MACROD2: variants seen among roughly 807,000 people sequenced by gnomAD.
The protein encoded by MACROD2 is mono-ADP ribosylhydrolase 2.
MACROD2 carries 36 observed loss-of-function variants against 70.4 expected under a neutral mutation model. The ratio of observed to expected loss-of-function variants is 0.51; its 90% CI spans 0.39 to 0.68. MACROD2 has a LOEUF of 0.68. Among genes scored for constraint, MACROD2 ranks in the 30% least tolerant of loss-of-function variants. The pLI is 0.00. For synonymous variants in MACROD2, 172 were observed against 178.8 expected, an observed-to-expected ratio of 0.96 and a Z score of 0.30; for missense variants, 496 against 538.4, an observed-to-expected ratio of 0.92 and a Z score of 0.78.
chr20:15,640,121 G>C (rs2049436718), intron 8 of MACROD2, among the ~76,000 whole-genome samples: 1 of 151,908 alleles, frequency 6.6e-6, no homozygotes, highest in African/African-American at 2.4e-5. Context: ...GAGAAAAGGG[G>C]ATAGAGAGGG....
chr20:15,478,195 C>A (rs2047047821), intron 7 of MACROD2, among the ~76,000 whole-genome samples: 1 of 152,192 alleles, frequency 6.6e-6, no homozygotes, highest in Non-Finnish European at 1.5e-5. Flanking sequence ...GTTCATTTTT[C>A]TGAGAAACCA....
chr20:15,292,704 G>A (rs1417691433), intron 6 of MACROD2, among the ~76,000 whole-genome samples: 1 of 152,114 alleles, frequency 6.6e-6, no homozygotes, highest in East Asian at 1.9e-4. Context: ...ATTAGCTACA[G>A]TTAAAAAATG....
chr20:15,116,910 T>A (rs1239145127), intron 5 of MACROD2, among the ~76,000 whole-genome samples: 1 of 152,186 alleles, frequency 6.6e-6, no homozygotes, highest in East Asian at 1.9e-4. Flanking sequence ...CAAGGGTCAA[T>A]TGTATATTCT....
chr20:15,549,368 T>C (rs2048065934), intron 8 of MACROD2, among the ~76,000 whole-genome samples: 1 of 152,220 alleles, frequency 6.6e-6, no homozygotes, highest in African/African-American at 2.4e-5. Context: ...AAGGATCATA[T>C]ATTTTATGCA....
intron 8 of MACROD2, among the ~76,000 whole-genome samples, chr20:15,582,889 G>A (rs2048545338): frequency 6.6e-6 from 1 of 152,192 alleles, no homozygotes; most frequent in Non-Finnish European, 1.5e-5. Context: ...GGGGTTGAGA[G>A]ATATTCCTTA....
At chr20:14,874,502 G>A (rs2073526772) in intron 5 of MACROD2, among the ~76,000 whole-genome samples, 1 of 150,868 alleles carries the variant, frequency 6.6e-6, no homozygotes, top group Admixed American at 6.6e-5. Context: ...GGTCATCATT[G>A]AACATTTTAT....
intron 3 of MACROD2, among the ~76,000 whole-genome samples, chr20:14,117,292 C>CTT (rs2054529064): frequency 6.6e-6 from 1 of 152,060 alleles, no homozygotes; most frequent in Non-Finnish European, 1.5e-5. Context: ...ACTTTTGATA[C>CTT]TTTAACTTTT....
At chr20:16,002,330 C>G (rs540547369) in intron 15 of MACROD2, among the ~76,000 whole-genome samples, 2 of 152,206 alleles carry the variant, frequency 1.3e-5, no homozygotes, top group African/African-American at 4.8e-5. Flanking sequence ...CATCCTAATC[C>G]CAGGAACCTT....
chr20:15,838,979 T>C (rs116696198), intron 8 of MACROD2, among the ~76,000 whole-genome samples: 151 of 152,294 alleles, frequency 9.9e-4, no homozygotes, highest in African/African-American at 2.9e-3. Context: ...ATGTAAACTG[T>C]GTGCTTATAT....
intron 5 of MACROD2, among the ~76,000 whole-genome samples, chr20:14,765,256 A>T (rs75973): frequency 2.0e-5 from 3 of 151,914 alleles, no homozygotes; most frequent in African/African-American, 4.8e-5. Context: ...TCTCCCCTAC[A>T]CCCATCCTTA....
At chr20:15,093,410 T>G (rs1029551546) in intron 5 of MACROD2, among the ~76,000 whole-genome samples, 1 of 152,144 alleles carries the variant, frequency 6.6e-6, no homozygotes, top group Non-Finnish European at 1.5e-5. Context: ...TCATTTTTAT[T>G]TTTTCTTCTT....
chr20:15,804,327 T>C (rs1241336667), intron 8 of MACROD2, among the ~76,000 whole-genome samples: 1 of 152,234 alleles, frequency 6.6e-6, no homozygotes, highest in African/African-American at 2.4e-5. Flanking sequence ...GAAATCCTTA[T>C]GCTTGCCTCA....
At chr20:15,904,712 T>A (rs571823955) in intron 10 of MACROD2, among the ~76,000 whole-genome samples, 1 of 151,878 alleles carries the variant, frequency 6.6e-6, no homozygotes, top group Non-Finnish European at 1.5e-5. Flanking sequence ...CTAACCTGTC[T>A]CTACTAAAAA....
At position 15,138,712 on chromosome 20, in the gene MACROD2, G is replaced by T. The variant is rs183138092; in HGVS notation, c.419-91228G>T. On this transcript the variant is annotated intron_variant, in intron 5 of 17. Coordinates refer to ENST00000684519, the MANE Select transcript of MACROD2 (RefSeq NM_001351661.2). Reference sequence around the variant, plus strand: ...TGTAGAGTGTGGTATTAAAGTAGTGGCTGAATTACTTGACATAATTTGCAT... The same window carrying T: ...TGTAGAGTGTGGTATTAAAGTAGTGTCTGAATTACTTGACATAATTTGCAT... Among the ~76,000 whole-genome samples, 756 of 152,248 alleles carry T rather than the reference G, an allele frequency of 5.0e-3. 3 individuals carry two copies. The highest frequency in any genetic ancestry group is 8.7e-3 in the Non-Finnish European group (590 of 67,998).
intron 5 of MACROD2, among the ~76,000 whole-genome samples, chr20:15,185,128 CTATT>C (rs1458339954): frequency 6.6e-5 from 10 of 152,128 alleles, no homozygotes; most frequent in Non-Finnish European, 7.4e-5. Flanking sequence ...AGATCATACT[CTATT>C]TATCTTTGTA....
At chr20:15,874,515 A>G (rs910211820) in intron 9 of MACROD2, among the ~76,000 whole-genome samples, 5 of 152,028 alleles carry the variant, frequency 3.3e-5, no homozygotes, top group Admixed American at 2.6e-4. Flanking sequence ...GGTTGAACTA[A>G]TTTACACTCC....
At chr20:15,787,102 GT>G (rs2051942836) in intron 8 of MACROD2, among the ~76,000 whole-genome samples, 1 of 152,012 alleles carries the variant, frequency 6.6e-6, no homozygotes, top group Admixed American at 6.5e-5. Flanking sequence ...CTCTCGAGTA[GT>G]TGTGACTACA....
chr20:15,374,196 A>C (rs903121476), intron 6 of MACROD2, among the ~76,000 whole-genome samples: 1 of 151,994 alleles, frequency 6.6e-6, no homozygotes, highest in African/African-American at 2.4e-5. Context: ...TTATATATAG[A>C]TATACGCACA....
chr20:14,205,556 C>A (rs1421782357), intron 3 of MACROD2, among the ~76,000 whole-genome samples: 1 of 152,158 alleles, frequency 6.6e-6, no homozygotes, highest in Non-Finnish European at 1.5e-5. Context: ...TTAGTCTGAC[C>A]CACTTCACAT....
Sources: gnomAD v4.1 joint callset for allele counts (sites outside exome capture counted in the v4.1 genomes callset) on GRCh38, gnomAD v4.1.1 for gene constraint, MANE v1.5 for transcripts, NCBI Gene and HGNC (gene_info 2026-07-23, HGNC 2026-07-21) for gene names.